The following EYS variants were observed in gnomAD, a reference collection of about 807,000 sequenced individuals.
EYS encodes protein eyes shut homolog.
A neutral mutation model predicts 282.1 loss-of-function variants in EYS; 250 were observed. That is an observed-to-expected ratio of 0.89 (90% confidence interval 0.80 to 0.98). EYS has a LOEUF of 0.98. EYS is among the 50% of genes least tolerant of loss of function. The pLI is 0.00. For missense variants in EYS, 4,016 were observed against 3,709.0 expected, an observed-to-expected ratio of 1.08 and a Z score of -2.15; for synonymous variants, 1,355 against 1,282.9, an observed-to-expected ratio of 1.06 and a Z score of -1.20.
intron 24 of EYS, among the ~76,000 whole-genome samples, chr6:64,594,674 C>T (rs559120853): frequency 7.7e-4 from 97 of 125,810 alleles, no homozygotes; most frequent in Middle Eastern, 6.1e-3. Context: ...GGGAACATCG[C>T]ACACCGGGGA....
At chr6:65,639,170 CA>C (rs1401811141) in intron 2 of EYS, among the ~76,000 whole-genome samples, 1 of 151,822 alleles carries the variant, frequency 6.6e-6, no homozygotes, top group African/African-American at 2.4e-5. Context: ...ATACAGAGAA[CA>C]AAAAACCTGA....
At chr6:64,133,630 C>T (rs1234025569) in intron 31 of EYS, among the ~76,000 whole-genome samples, 1 of 151,896 alleles carries the variant, frequency 6.6e-6, no homozygotes, top group Non-Finnish European at 1.5e-5. Context: ...TTTATTTTCT[C>T]CATATCTTGT....
intron 9 of EYS, 70 bp downstream of exon 9, chr6:65,353,388 A>C (rs1221256921): frequency 7.4e-7 from 1 of 1,348,442 alleles, no homozygotes; most frequent in African/African-American, 1.4e-5. Flanking sequence ...TGTGTTTAGA[A>C]AATGAATACG....
chr6:64,607,665 T>C (rs908901460), intron 24 of EYS, among the ~76,000 whole-genome samples: 2 of 152,076 alleles, frequency 1.3e-5, no homozygotes, highest in African/African-American at 2.4e-5. Flanking sequence ...ACTCAGGCCA[T>C]AACAGAATAG....
intron 7 of EYS, among the ~76,000 whole-genome samples, chr6:65,400,671 T>A (rs1766459694): frequency 6.6e-6 from 1 of 151,994 alleles, no homozygotes; most frequent in Non-Finnish European, 1.5e-5. Context: ...TGTTTCACTG[T>A]CTTTCTCAGG....
At chr6:65,462,814 A>C (rs1764866690) in intron 5 of EYS, among the ~76,000 whole-genome samples, 1 of 152,088 alleles carries the variant, frequency 6.6e-6, no homozygotes, top group Non-Finnish European at 1.5e-5. Context: ...TATGGTTCTT[A>C]ATATGTGTTG....
At chr6:64,412,458 T>A (rs1773933148) in intron 28 of EYS, among the ~76,000 whole-genome samples, 1 of 152,084 alleles carries the variant, frequency 6.6e-6, no homozygotes, top group Non-Finnish European at 1.5e-5. Context: ...CCTAATTATA[T>A]CAGATGAATA....
intron 24 of EYS, among the ~76,000 whole-genome samples, chr6:64,600,012 G>A (rs1049037069): frequency 1.3e-5 from 2 of 152,112 alleles, no homozygotes; most frequent in African/African-American, 4.8e-5. Flanking sequence ...TGGACTGTTA[G>A]TATATTTCAC....
At chr6:65,627,694 G>A (rs888049182) in intron 2 of EYS, among the ~76,000 whole-genome samples, 6 of 152,190 alleles carry the variant, frequency 3.9e-5, no homozygotes, top group Non-Finnish European at 8.8e-5. Flanking sequence ...CGGGCCAGTG[G>A]CTGCGGAGAG....
chr6:64,094,965 G>A (rs150428880), intron 31 of EYS, among the ~76,000 whole-genome samples: 2,537 of 152,120 alleles, frequency 0.017, 224 homozygotes, highest in Admixed American at 0.15. Flanking sequence ...CTTTGTTCTC[G>A]TTGGTTTCAA....
chr6:64,366,375 T>C (rs977141465), intron 29 of EYS, among the ~76,000 whole-genome samples: 3 of 152,176 alleles, frequency 2.0e-5, no homozygotes, highest in Admixed American at 6.6e-5. Flanking sequence ...GCTAGCCATA[T>C]GGACTGGCAA....
chr6:64,889,287 G>A lies in EYS; in HGVS notation c.2847-2445C>T, dbSNP rs540019403. ...ATATACTTACTTACTTGTTGCATAAGTTAATGGGAAATTTTTGTGAAATGT... is the reference window on the plus strand; with the variant it reads ...ATATACTTACTTACTTGTTGCATAAATTAATGGGAAATTTTTGTGAAATGT... On this transcript the variant is annotated intron_variant, in intron 18 of 42. Transcript: ENST00000503581. Among the ~76,000 whole-genome samples the A allele has an allele frequency of 1.6e-3, 242 of 151,974 alleles. No homozygotes were observed. The South Asian group carries it at 0.016, about 10-fold the overall frequency.
At chr6:64,374,331 C>CT (rs1275958268) in intron 29 of EYS, among the ~76,000 whole-genome samples, 1 of 151,666 alleles carries the variant, frequency 6.6e-6, no homozygotes, top group Non-Finnish European at 1.5e-5. Context: ...TGGCCCAAGG[C>CT]TTGTAGAAGT....
intron 26 of EYS, among the ~76,000 whole-genome samples, chr6:64,467,304 T>G (rs1189486732): frequency 6.6e-6 from 1 of 152,188 alleles, no homozygotes; most frequent in African/African-American, 2.4e-5. Context: ...TTAAAATAGC[T>G]AGAACAGTTA....
chr6:64,787,555 T>C (rs1774063045), intron 22 of EYS, among the ~76,000 whole-genome samples: 1 of 151,754 alleles, frequency 6.6e-6, no homozygotes, highest in South Asian at 2.1e-4. Context: ...TCCAGGCCTT[T>C]GTTGAGCCCT....
intron 31 of EYS, among the ~76,000 whole-genome samples, chr6:64,154,301 G>A (rs1387641879): frequency 3.9e-5 from 6 of 152,084 alleles, no homozygotes; most frequent in South Asian, 2.1e-4. Flanking sequence ...TTAGCTGGGC[G>A]TGGTGGTACA....
chr6:65,706,477 T>C (rs1769883757), intron 1 of EYS, among the ~76,000 whole-genome samples: 1 of 151,864 alleles, frequency 6.6e-6, no homozygotes, highest in Non-Finnish European at 1.5e-5. Context: ...GGTAAGAGTG[T>C]TGGACCTGTG....
intron 5 of EYS, among the ~76,000 whole-genome samples, chr6:65,485,410 T>G (rs1032183624): frequency 9.2e-5 from 14 of 152,232 alleles, no homozygotes; most frequent in African/African-American, 3.4e-4. Context: ...AAAATTATTT[T>G]TCTCATTTTT....
intron 11 of EYS, among the ~76,000 whole-genome samples, chr6:65,312,181 C>T (rs530987624): frequency 1.3e-5 from 2 of 151,164 alleles, no homozygotes; most frequent in South Asian, 2.1e-4. Flanking sequence ...CTATGCCTTC[C>T]TTTATCTAAG....
Sources: gnomAD v4.1 joint callset for allele counts (sites outside exome capture counted in the v4.1 genomes callset) on GRCh38, gnomAD v4.1.1 for gene constraint, MANE v1.5 for transcripts, NCBI Gene and HGNC (gene_info 2026-07-23, HGNC 2026-07-21) for gene names.